Variants in ABHD2 observed in about 807,000 individuals in gnomAD.
The protein encoded by ABHD2 is abhydrolase domain containing 2, acylglycerol lipase.
ABHD2 carries 20 observed loss-of-function variants against 48.1 expected under a neutral mutation model. That is an observed-to-expected ratio of 0.42 (90% CI 0.29 to 0.60). The LOEUF (loss-of-function observed/expected upper bound fraction) is 0.60, where lower values mean the gene tolerates loss of function less well. Among genes scored for constraint, ABHD2 ranks in the 20% least tolerant of loss-of-function variants. The pLI, the probability that ABHD2 is intolerant of heterozygous loss-of-function variation, is 0.24. For synonymous variants in ABHD2, 209 were observed against 214.2 expected, an observed-to-expected ratio of 0.98 and a Z score of 0.21; for missense variants, 405 against 550.9, an observed-to-expected ratio of 0.74 and a Z score of 2.65.
rs181509279 is a variant in ABHD2 at position 89,188,750 on chromosome 15, G to A, written c.926+447G>A. On this transcript the variant is annotated intron_variant, in intron 8 of 10. Coordinates refer to ENST00000352732, the MANE Select transcript of ABHD2 (RefSeq NM_152924.5). This position sits in a 1 kb window ranked among gnomAD's most constrained non-coding sequence, Gnocchi z 4.1. ...AAACTGGCTGGGGGCAGTGTCTCATGCCTGTAATCCTAGGAGGATTTGGGA... is the reference window on the plus strand; with the variant it reads ...AAACTGGCTGGGGGCAGTGTCTCATACCTGTAATCCTAGGAGGATTTGGGA... Among the ~76,000 whole-genome samples, 4 of 152,248 alleles carry A rather than the reference G, an allele frequency of 2.6e-5. No homozygotes were observed. Among genetic ancestry groups the A allele is most frequent in the Admixed American group, 2.6e-4 (4 of 15,308 alleles).
chr15:89,143,433 C>T (rs1004933226), intron 3 of ABHD2, among the ~76,000 whole-genome samples: 17 of 152,078 alleles, frequency 1.1e-4, no homozygotes, highest in Non-Finnish European at 1.5e-4. Context: ...TTTGGGAGGC[C>T]GAGGCGGGTG....
chr15:89,045,222 C>T, the ABHD2 span, among the ~76,000 whole-genome samples: 34 of 150,764 alleles, frequency 2.3e-4, no homozygotes, highest in African/African-American at 7.1e-4. Context: ...TGTAGATATG[C>T]GGCGTTATTT....
At position 89,201,758 on chromosome 15, in the gene ABHD2, C is replaced by T. The variant is rs1025448587; in HGVS notation, c.*6335C>T. 1.3e-6 allele frequency: 2 copies of T among 1,542,228 alleles called. No individual in the cohort carries two copies. The highest frequency in any genetic ancestry group is 1.4e-5 in the African/African-American group (1 of 73,130). On this transcript the variant is annotated 3_prime_UTR_variant, in exon 11 of 11. Transcript: ENST00000352732. ...TGAGGTCTATGGGCGGGTCGAGGAC[C>T]AGGATCTGCTCGTGCTTCGCCGTGG...
At chr15:89,187,564 C>A (rs528166169) in intron 7 of ABHD2, among the ~76,000 whole-genome samples, 32 of 152,110 alleles carry the variant, frequency 2.1e-4, no homozygotes, top group Admixed American at 1.5e-3. Flanking sequence ...CAAAAATGCA[C>A]GTTGTGACCC....
In ABHD2 at chr15:89,097,691, A is replaced by G. The variant is rs1443862839; in HGVS notation, c.-107+9128A>G. On this transcript the variant is annotated intron_variant, in intron 1 of 10. Coordinates refer to ENST00000352732, the MANE Select transcript of ABHD2 (RefSeq NM_152924.5). The surrounding 1 kb of genome is among the most constrained non-coding windows in gnomAD (Gnocchi z 4.2). Reference sequence around the variant, plus strand: ...ATTCAAAAGGTACAACATAGTAAAGAGTGGAAAACTTCCTCCCAAGAAGCA... The same window carrying G: ...ATTCAAAAGGTACAACATAGTAAAGGGTGGAAAACTTCCTCCCAAGAAGCA... Among the ~76,000 whole-genome samples, 1 of 152,222 alleles carries G rather than the reference A, an allele frequency of 6.6e-6. No homozygotes were observed. The highest frequency in any genetic ancestry group is 2.4e-5 in the African/African-American group (1 of 41,460).
At chr15:89,127,708 TATATATATATAC>T in intron 3 of ABHD2, among the ~76,000 whole-genome samples, 2 of 88,452 alleles carry the variant, frequency 2.3e-5, no homozygotes, top group African/African-American at 1.3e-4. Flanking sequence ...TATATATACA[TATATATATATAC>T]ACATATATAT....
chr15:89,050,403 A>G, the ABHD2 span, among the ~76,000 whole-genome samples: 57 of 152,364 alleles, frequency 3.7e-4, no homozygotes, highest in African/African-American at 1.3e-3. Flanking sequence ...CCAGACCCAG[A>G]GAACAACCAT....
rs1303487524 is a variant in ABHD2, at chr15:89,196,325, T to C, written c.*902T>C. On this transcript the variant is annotated 3_prime_UTR_variant, in exon 11 of 11. Transcript: ENST00000352732. ...CCACAGTGTGATGTCTCAGAAGGGC[T>C]CTGGGTGGGCTGAGCATCTGGGCTG... The C allele has an allele frequency of 6.6e-6, 1 of 152,248 alleles. No individual in the cohort carries two copies. The highest frequency in any genetic ancestry group is 6.5e-5 in the Admixed American group (1 of 15,290). The allele number at this position is 152,248 out of a possible 1,614,324, so 9.4% of individuals were successfully genotyped here.
chr15:89,102,184 C>T lies in ABHD2; in HGVS notation c.-106-11541C>T, dbSNP rs1341963761. Among the ~76,000 whole-genome samples the T allele has an allele frequency of 6.6e-6, 1 of 152,204 alleles. No individual in the cohort carries two copies. The highest frequency in any genetic ancestry group is 1.9e-4 in the East Asian group (1 of 5,200). On this transcript the variant is annotated intron_variant, in intron 1 of 10. Transcript: ENST00000352732. The surrounding 1 kb of genome is among the most constrained non-coding windows in gnomAD (Gnocchi z 4.8). ...GCCCAGCCTGACGTCTGCATCCACCCCTCCTTCTCACCTTCTCTTCTATTC... is the reference window on the plus strand; with the variant it reads ...GCCCAGCCTGACGTCTGCATCCACCTCTCCTTCTCACCTTCTCTTCTATTC...
the ABHD2 span, among the ~76,000 whole-genome samples, chr15:89,056,628 G>T: frequency 6.6e-6 from 1 of 151,988 alleles, no homozygotes; most frequent in Non-Finnish European, 1.5e-5. Context: ...GGGCGACAGA[G>T]CAAGACTCCA....
In ABHD2 at chr15:89,186,070, T is replaced by G. The variant is rs1365793419; in HGVS notation, c.815+554T>G. Among the ~76,000 whole-genome samples, 1 of 152,170 alleles carries G rather than the reference T, an allele frequency of 6.6e-6. No individual in the cohort carries two copies. Among genetic ancestry groups the G allele is most frequent in the African/African-American group, 2.4e-5 (1 of 41,442 alleles). On this transcript the variant is annotated intron_variant, in intron 7 of 10. Transcript: ENST00000352732. The surrounding 1 kb of genome is among the most constrained non-coding windows in gnomAD (Gnocchi z 4.3). ...AAGACAATGAACCACTTCCACACCC[T>G]TTTCTCCCAAATTAGAGCAGTCACG... is the stretch of plus-strand genomic sequence containing the variant.
In ABHD2 at chr15:89,187,480, C is replaced by G. The variant is rs56362022; in HGVS notation, c.816-713C>G. ...AAGTTGGCATAATAAATCCTTCCTA[C>G]CGCAGGGCCATGCCTCAACAAATTC... On this transcript the variant is annotated intron_variant, in intron 7 of 10. Transcript: ENST00000352732. 3.8e-3 allele frequency among the ~76,000 whole-genome samples: 581 copies of G among 152,344 alleles called. 4 individuals carry two copies. The highest frequency in any genetic ancestry group is 0.013 in the African/African-American group (526 of 41,582).
chr15:89,057,464 A>C, the ABHD2 span, among the ~76,000 whole-genome samples: 1 of 152,210 alleles, frequency 6.6e-6, no homozygotes, highest in East Asian at 1.9e-4. Flanking sequence ...CCGCCTCTGG[A>C]ACTCCAAGGA....
the ABHD2 span, among the ~76,000 whole-genome samples, chr15:89,063,370 A>G: frequency 6.6e-6 from 1 of 152,196 alleles, no homozygotes; most frequent in Non-Finnish European, 1.5e-5. Flanking sequence ...CAAAACTCCT[A>G]GAATATAGAA....
chr15:89,049,298 C>G, the ABHD2 span, among the ~76,000 whole-genome samples: 343 of 152,338 alleles, frequency 2.3e-3, 4 homozygotes, highest in African/African-American at 8.0e-3. Flanking sequence ...TCAAAGCTGT[C>G]AGACAGGGAC....
intron 3 of ABHD2, among the ~76,000 whole-genome samples, chr15:89,138,596 G>A (rs991614571): frequency 6.6e-6 from 1 of 152,200 alleles, no homozygotes; most frequent in African/African-American, 2.4e-5. Context: ...GTCAGTTACA[G>A]TTGTGAGAAA....
intron 5 of ABHD2, among the ~76,000 whole-genome samples, chr15:89,157,444 T>C (rs4327024): frequency 0.6 from 91,242 of 152,004 alleles, 28,962 homozygotes; most frequent in East Asian, 0.84. Flanking sequence ...AAGCAGGGTG[T>C]TGGGTGCCCT....
chr15:89,061,205 G>A, the ABHD2 span, among the ~76,000 whole-genome samples: 1 of 152,110 alleles, frequency 6.6e-6, no homozygotes, highest in Non-Finnish European at 1.5e-5. Flanking sequence ...ATCACCTGAG[G>A]TCAGGAGTTT....
chr15:89,083,406 A>G (rs4619372), upstream of ABHD2, among the ~76,000 whole-genome samples: 6,729 of 152,316 alleles, frequency 0.044, 491 homozygotes, highest in African/African-American at 0.15. This position sits in a 1 kb window ranked among gnomAD's most constrained non-coding sequence, Gnocchi z 5.1. Context: ...AGAAGTCATC[A>G]TTAGCCAGTC....
Sources: allele counts gnomAD v4.1 joint callset (sites outside exome capture counted in the v4.1 genomes callset), GRCh38; gene constraint gnomAD v4.1.1; non-coding constraint Gnocchi (gnomAD v3.1); transcripts MANE v1.5; gene names NCBI Gene and HGNC (gene_info 2026-07-23, HGNC 2026-07-21).